Variants in ZBTB46 observed in about 807,000 individuals in gnomAD.
The protein encoded by ZBTB46 is zinc finger and BTB domain containing 46.
ZBTB46 carries 8 observed loss-of-function variants against 44.1 expected under a neutral mutation model. The ratio of observed to expected loss-of-function variants is 0.18; its 90% confidence interval spans 0.11 to 0.33. The LOEUF is 0.33. Among genes scored for constraint, ZBTB46 ranks in the 10% least tolerant of loss-of-function variants. The pLI, the probability that ZBTB46 is intolerant of heterozygous loss-of-function variation, is 1.00. For synonymous variants in ZBTB46, 409 were observed against 382.3 expected (o/e 1.07, Z -0.81); for missense variants, 651 against 847.7 (o/e 0.77, Z 2.88).
intron 1 of ZBTB46, among the ~76,000 whole-genome samples, chr20:63,797,080 CAT>C (rs1302961082): frequency 2.0e-5 from 3 of 152,134 alleles, no homozygotes; most frequent in East Asian, 1.9e-4. Flanking sequence ...CATACGTACA[CAT>C]GTGCCATGTT....
At chr20:63,751,668 G>A (rs377114996) in intron 4 of ZBTB46, among the ~76,000 whole-genome samples, 275 of 119,256 alleles carry the variant, frequency 2.3e-3, no homozygotes, top group East Asian at 6.9e-3. Context: ...GTCTCCCCAT[G>A]AAGCCCCGCC....
At chr20:63,833,009 C>T (rs181530344), upstream of ZBTB46, among the ~76,000 whole-genome samples, 96 of 152,288 alleles carry the variant, frequency 6.3e-4, no homozygotes, top group Non-Finnish European at 1.2e-3. Context: ...GCCCTGATGC[C>T]TGCCCCAAGG....
intron 1 of ZBTB46, among the ~76,000 whole-genome samples, chr20:63,816,056 G>GGTGGGCGCAGGTGCA (rs1269505896): frequency 7.4e-6 from 1 of 135,112 alleles, no homozygotes; most frequent in African/African-American, 2.9e-5. Context: ...GTGCAGGTGC[G>GGTGGGCGCAGGTGCA]GTGGGCGCAG....
intron 3 of ZBTB46, among the ~76,000 whole-genome samples, chr20:63,771,939 C>G (rs1034367507): frequency 6.6e-6 from 1 of 152,156 alleles, no homozygotes; most frequent in Non-Finnish European, 1.5e-5. Flanking sequence ...AGTTCACAGC[C>G]CGACAGGCGA....
chr20:63,789,701 G>T (rs1273896986), intron 2 of ZBTB46, 120 bp downstream of exon 2: 8 of 1,476,366 alleles, frequency 5.4e-6, no homozygotes, highest in Non-Finnish European at 7.2e-6. Flanking sequence ...GTAAGAGGAA[G>T]TGACCCTAGA....
chr20:63,808,857 G>A (rs2092699357), intron 1 of ZBTB46, among the ~76,000 whole-genome samples: 1 of 151,514 alleles, frequency 6.6e-6, no homozygotes, highest in Admixed American at 6.6e-5. Context: ...GGCGCCTGCA[G>A]TCCCAGCTAC....
intron 3 of ZBTB46, among the ~76,000 whole-genome samples, chr20:63,758,979 G>A (rs568695338): frequency 2.6e-5 from 4 of 152,262 alleles, no homozygotes; most frequent in South Asian, 2.1e-4. Context: ...TGATCCGGCC[G>A]CCTCGGCCTC....
In ZBTB46 at chr20:63,752,606, C is replaced by CTGCG; in HGVS notation, c.1398+76_1398+79dup. 1 of 1,425,478 alleles carries CTGCG rather than the reference C, an allele frequency of 7.0e-7. No homozygotes were observed. The highest frequency in any genetic ancestry group is 2.6e-5 in the East Asian group (1 of 38,228). The allele number at this position is 1,425,478 out of a possible 1,614,324, so 88.3% of individuals were successfully genotyped here. On this transcript the variant is annotated intron_variant, in intron 4 of 4. Transcript: ENST00000245663. The surrounding 1 kb of genome is among the most constrained non-coding windows in gnomAD (Gnocchi z 5.6). ...GACCCGGTGTGGGGTCCGGGGCGGT[C>CTGCG]TGCGCCCTCATCAGGACCCGCCTGC...
rs1009519899 is a variant in ZBTB46 at position 63,747,733 on chromosome 20, G to T, written c.1399-432C>A. 3.3e-5 allele frequency among the ~76,000 whole-genome samples: 5 copies of T among 152,226 alleles called. No homozygotes were observed. In the East Asian group the frequency reaches 9.6e-4, roughly 29 times the overall value. Reference sequence around the variant, plus strand: ...GCACCAAGGCAGCCCTGTCCCAAGGGGATGCTGGCACGAGGGCGGCAGTGC... The same window carrying T: ...GCACCAAGGCAGCCCTGTCCCAAGGTGATGCTGGCACGAGGGCGGCAGTGC... On this transcript the variant is annotated intron_variant, in intron 4 of 4. Transcript: ENST00000245663.
At chr20:63,786,401 G>A (rs6089996) in intron 2 of ZBTB46, among the ~76,000 whole-genome samples, 137,979 of 152,260 alleles carry the variant, frequency 0.91, 62,642 homozygotes, top group East Asian at 0.99. Flanking sequence ...TGGAGGCCAC[G>A]GCTGCTGCTA....
At chr20:63,750,352 C>T (rs766580343) in intron 4 of ZBTB46, among the ~76,000 whole-genome samples, 18 of 151,878 alleles carry the variant, frequency 1.2e-4, no homozygotes, top group Non-Finnish European at 2.1e-4. Flanking sequence ...CTCAGGTGAT[C>T]GTCCTGCCTC....
intron 3 of ZBTB46, among the ~76,000 whole-genome samples, chr20:63,760,500 C>G (rs987310533): frequency 2.6e-5 from 4 of 151,364 alleles, no homozygotes; most frequent in African/African-American, 9.7e-5. Context: ...GAGTCTCACT[C>G]TGTTGCCCAG....
At chr20:63,816,917 C>A (rs2146064569) in intron 1 of ZBTB46, among the ~76,000 whole-genome samples, 1 of 152,142 alleles carries the variant, frequency 6.6e-6, no homozygotes, top group Non-Finnish European at 1.5e-5. Flanking sequence ...CCAGCCTGAC[C>A]AACATGGAGA....
intron 4 of ZBTB46, among the ~76,000 whole-genome samples, chr20:63,748,456 G>T (rs965682543): frequency 6.6e-6 from 1 of 152,226 alleles, no homozygotes; most frequent in African/African-American, 2.4e-5. Flanking sequence ...GGCCAGGGAT[G>T]GGGAGAGGTG....
At chr20:63,778,464 C>A (rs943551804) in intron 2 of ZBTB46, among the ~76,000 whole-genome samples, 1 of 152,184 alleles carries the variant, frequency 6.6e-6, no homozygotes, top group Non-Finnish European at 1.5e-5. Flanking sequence ...AACACAGGGG[C>A]ATGGGGCAGG....
intron 1 of ZBTB46, among the ~76,000 whole-genome samples, chr20:63,791,173 G>A (rs1008907911): frequency 2.0e-5 from 3 of 152,282 alleles, no homozygotes; most frequent in Middle Eastern, 3.4e-3. Flanking sequence ...CATCCCTCAC[G>A]CTTGAAGAAA....
At chr20:63,766,047 C>T (rs2092317832) in intron 3 of ZBTB46, among the ~76,000 whole-genome samples, 1 of 152,016 alleles carries the variant, frequency 6.6e-6, no homozygotes, top group Non-Finnish European at 1.5e-5. Context: ...AGCTGTCATG[C>T]GGCCTCTGAT....
At chr20:63,823,858 TTGTGTGTG>T (rs11474683) in intron 1 of ZBTB46, among the ~76,000 whole-genome samples, 7 of 144,718 alleles carry the variant, frequency 4.8e-5, no homozygotes, top group Admixed American at 1.4e-4. Flanking sequence ...TCTAGGAACC[TTGTGTGTG>T]TGTGTGTGTG....
At chr20:63,793,717 A>C (rs942819047) in intron 1 of ZBTB46, among the ~76,000 whole-genome samples, 2 of 152,250 alleles carry the variant, frequency 1.3e-5, no homozygotes, top group Admixed American at 1.3e-4. Context: ...GATTTTATAG[A>C]AGCAGCGGCT....
Sources: gnomAD v4.1 joint callset for allele counts (sites outside exome capture counted in the v4.1 genomes callset) on GRCh38, gnomAD v4.1.1 for gene constraint, Gnocchi (gnomAD v3.1) non-coding constraint, MANE v1.5 for transcripts, NCBI Gene and HGNC (gene_info 2026-07-23, HGNC 2026-07-21) for gene names.